The following CNTNAP5 variants were observed in gnomAD, a reference collection of about 807,000 sequenced individuals.
The protein encoded by CNTNAP5 is contactin-associated protein-like 5.
CNTNAP5 carries 72 observed loss-of-function variants against 150.2 expected under a neutral mutation model. That is an observed-to-expected ratio of 0.48 (90% confidence interval 0.40 to 0.58). The LOEUF (loss-of-function observed/expected upper bound fraction) is 0.58. CNTNAP5 is among the 20% of genes least tolerant of loss of function. CNTNAP5 has a pLI of 0.00. For synonymous variants in CNTNAP5, 672 were observed against 619.8 expected, an observed-to-expected ratio of 1.08 and a Z score of -1.25; for missense variants, 1,636 against 1,626.2, an observed-to-expected ratio of 1.01 and a Z score of -0.10.
intron 20 of CNTNAP5, among the ~76,000 whole-genome samples, chr2:124,865,950 A>G (rs1030446728): frequency 6.6e-6 from 1 of 151,592 alleles, no homozygotes; most frequent in African/African-American, 2.4e-5. Context: ...TTAAAAAAAA[A>G]AATTAAAAGA....
chr2:124,716,244 G>A (rs1195786065), intron 13 of CNTNAP5, among the ~76,000 whole-genome samples: 1 of 151,990 alleles, frequency 6.6e-6, no homozygotes, highest in East Asian at 1.9e-4. Flanking sequence ...AATAAACACT[G>A]GCACATACAA....
chr2:124,529,318 A>C (rs985101574), intron 10 of CNTNAP5, among the ~76,000 whole-genome samples: 5 of 152,162 alleles, frequency 3.3e-5, no homozygotes, highest in African/African-American at 9.7e-5. Context: ...TTTTTAATCA[A>C]GCAAGCTCTC....
intron 1 of CNTNAP5, among the ~76,000 whole-genome samples, chr2:124,057,454 T>TTTTTTTTTC (rs1681884827): frequency 1.9e-5 from 2 of 104,722 alleles, no homozygotes; most frequent in African/African-American, 6.4e-5. Flanking sequence ...GCTAATTTTT[T>TTTTTTTTTC]TTTTTTTTTT....
intron 13 of CNTNAP5, among the ~76,000 whole-genome samples, chr2:124,693,992 C>T (rs1008517288): frequency 2.0e-5 from 3 of 151,984 alleles, no homozygotes; most frequent in East Asian, 1.9e-4. Flanking sequence ...AATGGGATTT[C>T]GTATAAACAA....
At chr2:124,774,458 A>T (rs546624870) in intron 17 of CNTNAP5, among the ~76,000 whole-genome samples, 1 of 152,300 alleles carries the variant, frequency 6.6e-6, no homozygotes, top group East Asian at 1.9e-4. Flanking sequence ...TGTTCCCCAG[A>T]TCCAGCAGAA....
chr2:124,843,456 A>G (rs984220262), intron 19 of CNTNAP5, among the ~76,000 whole-genome samples: 1 of 152,010 alleles, frequency 6.6e-6, no homozygotes, highest in East Asian at 1.9e-4. Context: ...TTGCAATTGC[A>G]AATTTTGCTG....
intron 19 of CNTNAP5, among the ~76,000 whole-genome samples, chr2:124,828,410 G>A (rs891186255): frequency 6.6e-6 from 1 of 152,008 alleles, no homozygotes; most frequent in Non-Finnish European, 1.5e-5. Context: ...GAACCTAGGA[G>A]GTGGAGCTTG....
chr2:124,502,036 G>A lies in CNTNAP5; in HGVS notation c.1063-2256G>A, dbSNP rs141615851. On this transcript the variant is annotated intron_variant, in intron 7 of 23. Transcript: ENST00000682447. ...AGAGAGAAGCTGGCCTAAGGTGAGC[G>A]AGGGAGCTGTCCAAGGACCGAAAGC... is the stretch of plus-strand genomic sequence containing the variant. Among the ~76,000 whole-genome samples, 144 of 152,300 alleles carry A rather than the reference G, an allele frequency of 9.5e-4. 1 individual carries two copies. The highest frequency in any genetic ancestry group is 3.1e-3 in the African/African-American group (130 of 41,568).
chr2:124,644,702 A>T lies in CNTNAP5; in HGVS notation c.1877-3056A>T, dbSNP rs1678167415. ...AGATACAGATGATACAGGTGGAAAAAATGATATACATTTACTTCCTTGTTT... is the reference window on the plus strand; with the variant it reads ...AGATACAGATGATACAGGTGGAAAATATGATATACATTTACTTCCTTGTTT... On this transcript the variant is annotated intron_variant, in intron 12 of 23. Coordinates refer to ENST00000682447, the MANE Select transcript of CNTNAP5 (RefSeq NM_001367498.1). Among the ~76,000 whole-genome samples the T allele has an allele frequency of 2.0e-5, 3 of 152,250 alleles. No homozygotes were observed. The South Asian group carries it at 6.2e-4, about 32-fold the overall frequency.
chr2:124,736,032 A>G (rs1334712077), intron 13 of CNTNAP5, among the ~76,000 whole-genome samples: 7 of 152,120 alleles, frequency 4.6e-5, no homozygotes, highest in African/African-American at 1.7e-4. Context: ...GGAGTTCGAT[A>G]CCACCCTGGC....
chr2:124,134,113 A>G (rs1683922376), intron 1 of CNTNAP5, among the ~76,000 whole-genome samples: 1 of 152,104 alleles, frequency 6.6e-6, no homozygotes, highest in African/African-American at 2.4e-5. Context: ...TGTGTGTGGG[A>G]CCCAATTCTG....
At position 124,681,704 on chromosome 2, in the gene CNTNAP5, C is replaced by A. The variant is rs1026601845; in HGVS notation, c.2077+33746C>A. ...TCAGCCTCCTGAGTAGCTGGGACTA[C>A]AGGTGCATGCCACCATGGCAGGCTA... is the stretch of plus-strand genomic sequence containing the variant. On this transcript the variant is annotated intron_variant, in intron 13 of 23. Coordinates refer to ENST00000682447, the MANE Select transcript of CNTNAP5 (RefSeq NM_001367498.1). Among the ~76,000 whole-genome samples the A allele has an allele frequency of 8.5e-5, 13 of 152,248 alleles. No homozygotes were observed. The East Asian group carries it at 1.4e-3, about 16-fold the overall frequency.
chr2:124,869,298 A>G (rs1175907470), intron 20 of CNTNAP5, among the ~76,000 whole-genome samples: 1 of 152,134 alleles, frequency 6.6e-6, no homozygotes, highest in African/African-American at 2.4e-5. Context: ...GAGAAATGGA[A>G]AATGAGTTCC....
At chr2:124,703,636 C>T (rs1285431274) in intron 13 of CNTNAP5, among the ~76,000 whole-genome samples, 1 of 152,134 alleles carries the variant, frequency 6.6e-6, no homozygotes, top group Non-Finnish European at 1.5e-5. Flanking sequence ...ATACCATAGG[C>T]ATTTGGTATA....
chr2:124,480,854 T>C (rs896780561), intron 7 of CNTNAP5, among the ~76,000 whole-genome samples: 8 of 152,192 alleles, frequency 5.3e-5, no homozygotes, highest in Non-Finnish European at 7.3e-5. Context: ...AAAAATCATT[T>C]CCAAGTTATT....
chr2:124,070,396 G>GGAAAAAAAAAAA (rs761771947), intron 1 of CNTNAP5, among the ~76,000 whole-genome samples: 1 of 72,960 alleles, frequency 1.4e-5, no homozygotes, highest in Non-Finnish European at 2.5e-5. Context: ...GCTGAATGGG[G>GGAAAAAAAAAAA]AAAAAAAAAA....
intron 21 of CNTNAP5, among the ~76,000 whole-genome samples, chr2:124,878,861 T>G (rs907869683): frequency 1.3e-5 from 2 of 151,864 alleles, no homozygotes; most frequent in Admixed American, 6.6e-5. Context: ...TTTTGTATTT[T>G]TAGTAGAGAT....
At chr2:124,707,128 A>AGAAGAAGAG in intron 13 of CNTNAP5, among the ~76,000 whole-genome samples, 1 of 90,046 alleles carries the variant, frequency 1.1e-5, no homozygotes, top group Admixed American at 1.1e-4. Flanking sequence ...AGAAGAAAGA[A>AGAAGAAGAG]GAAGAAGAAG....
chr2:124,669,193 C>T (rs148550655), intron 13 of CNTNAP5, among the ~76,000 whole-genome samples: 46 of 152,290 alleles, frequency 3.0e-4, no homozygotes, highest in African/African-American at 1.1e-3. Flanking sequence ...TTTATATCCT[C>T]AGGGACAGGA....
Sources: gnomAD v4.1 joint callset for allele counts (sites outside exome capture counted in the v4.1 genomes callset) on GRCh38, gnomAD v4.1.1 for gene constraint, MANE v1.5 for transcripts, NCBI Gene and HGNC (gene_info 2026-07-23, HGNC 2026-07-21) for gene names.